Variants in DNAH5 observed in about 807,000 individuals in gnomAD.
DNAH5 encodes dynein axonemal heavy chain 5.
DNAH5 carries 372 observed loss-of-function variants against 518.2 expected under a neutral mutation model. The ratio of observed to expected loss-of-function variants is 0.72; its 90% CI spans 0.66 to 0.78. The LOEUF (loss-of-function observed/expected upper bound fraction) is 0.78. DNAH5 is among the 30% of genes least tolerant of loss of function. The probability of loss-of-function intolerance (pLI) is 0.00; values close to 1 mark genes in which losing one functional copy is unlikely to be tolerated. For missense variants in DNAH5, 5,523 were observed against 5,687.0 expected (o/e 0.97, Z 0.93); for synonymous variants, 2,039 against 2,025.9 (o/e 1.01, Z -0.17).
intron 70 of DNAH5, among the ~76,000 whole-genome samples, chr5:13,724,319 G>A (rs566400063): frequency 6.6e-6 from 1 of 152,312 alleles, no homozygotes; most frequent in Admixed American, 6.5e-5. Flanking sequence ...GACTTGCATA[G>A]GGCCTACTAT....
At chr5:13,812,568 A>G (rs1760860687) in intron 43 of DNAH5, among the ~76,000 whole-genome samples, 1 of 152,184 alleles carries the variant, frequency 6.6e-6, no homozygotes, top group Admixed American at 6.5e-5. Context: ...GGCCTCCCAA[A>G]GCGCTGGGAT....
At chr5:13,749,968 C>CA (rs201145042) in intron 65 of DNAH5, among the ~76,000 whole-genome samples, 3,033 of 131,892 alleles carry the variant, frequency 0.023, 54 homozygotes, top group Non-Finnish European at 0.036. Flanking sequence ...CTCAACCATG[C>CA]GATTTATGAA....
chr5:13,991,634 T>C (rs1783559347), intron 1 of DNAH5, among the ~76,000 whole-genome samples: 2 of 148,122 alleles, frequency 1.4e-5, no homozygotes, highest in African/African-American at 2.5e-5. Flanking sequence ...TATACAAGGA[T>C]GAGGAAGGAG....
In DNAH5 at chr5:13,788,699, C is replaced by T; in HGVS notation, c.8647+17G>A. 1.2e-6 allele frequency: 2 copies of T among 1,609,922 alleles called. No homozygotes were observed. Among genetic ancestry groups the T allele is most frequent in the East Asian group, 2.2e-5 (1 of 44,856 alleles). On this transcript the variant is annotated intron_variant, in intron 51 of 78. Coordinates refer to ENST00000265104, the MANE Select transcript of DNAH5 (RefSeq NM_001369.3). Reference sequence around the variant, plus strand: ...AACACCTTTTGGGGAATTCCAAATTCCACTTCAATAGTTTACCTGCAGCTT... The same window carrying T: ...AACACCTTTTGGGGAATTCCAAATTTCACTTCAATAGTTTACCTGCAGCTT...
At chr5:13,768,038 G>C (rs1580135218) in intron 58 of DNAH5, among the ~76,000 whole-genome samples, 1 of 152,190 alleles carries the variant, frequency 6.6e-6, no homozygotes. Context: ...CCTTTAAGGT[G>C]TGGCCTAGTT....
intron 1 of DNAH5, among the ~76,000 whole-genome samples, chr5:14,003,789 C>G (rs935685876): frequency 1.4e-4 from 22 of 152,244 alleles, no homozygotes; most frequent in African/African-American, 5.3e-4. Flanking sequence ...TTTCAGCCAC[C>G]ATGAAAGCAG....
At chr5:13,893,613 C>T (rs965507270) in intron 16 of DNAH5, among the ~76,000 whole-genome samples, 1 of 151,712 alleles carries the variant, frequency 6.6e-6, no homozygotes, top group African/African-American at 2.4e-5. Flanking sequence ...TATCAATTTA[C>T]AATAAAAAAA....
rs1769080759 is a variant in DNAH5, at chr5:13,865,308, T to C, written c.4355+360A>G. ...GCACCCAGCCAGCTCTCCATTTTCTTTAAATTCAAGAGCTACAACAATACA... is the reference window on the plus strand; with the variant it reads ...GCACCCAGCCAGCTCTCCATTTTCTCTAAATTCAAGAGCTACAACAATACA... On this transcript the variant is annotated intron_variant, in intron 27 of 78. Transcript: ENST00000265104. Among the ~76,000 whole-genome samples the C allele has an allele frequency of 1.3e-5, 2 of 152,170 alleles. 1 individual carries two copies. The highest frequency in any genetic ancestry group is 4.1e-4 in the South Asian group (2 of 4,834).
At chr5:13,991,769 C>A (rs897165494) in intron 1 of DNAH5, among the ~76,000 whole-genome samples, 10 of 152,136 alleles carry the variant, frequency 6.6e-5, no homozygotes, top group African/African-American at 2.4e-4. Flanking sequence ...ACAAATATAT[C>A]TTGAAAACCC....
chr5:13,803,029 T>C (rs1355477473), intron 47 of DNAH5, among the ~76,000 whole-genome samples: 1 of 105,402 alleles, frequency 9.5e-6, no homozygotes, highest in Non-Finnish European at 2.2e-5. Flanking sequence ...TATGCATTAA[T>C]GATATATAAT....
intron 32 of DNAH5, among the ~76,000 whole-genome samples, chr5:13,842,422 G>GA (rs1223116727): frequency 4.0e-5 from 1 of 25,076 alleles, no homozygotes; most frequent in Non-Finnish European, 7.3e-5. Flanking sequence ...GAAAAGAAAA[G>GA]AAAAGAAAGA....
At chr5:13,830,308 T>G in intron 36 of DNAH5, 95 bp from the exon 37 acceptor site, 1 of 1,194,844 alleles carries the variant, frequency 8.4e-7, no homozygotes, top group Non-Finnish European at 1.2e-6. Flanking sequence ...GAGCCAGATG[T>G]AAGTTCATTC....
At chr5:13,934,445 T>C (rs890777802) in intron 1 of DNAH5, among the ~76,000 whole-genome samples, 5 of 152,268 alleles carry the variant, frequency 3.3e-5, no homozygotes, top group African/African-American at 1.2e-4. Context: ...CAAAAATAAA[T>C]AATAGAGTAA....
chr5:13,756,340 A>ATT (rs5866064), intron 61 of DNAH5, among the ~76,000 whole-genome samples: 12 of 151,704 alleles, frequency 7.9e-5, no homozygotes, highest in Admixed American at 1.3e-4. Context: ...GTATGCCCAG[A>ATT]TTTTTTTTTA....
intron 63 of DNAH5, 39 bp from the exon 64 acceptor site, chr5:13,752,328 A>T (rs918408768): frequency 6.2e-7 from 1 of 1,608,716 alleles, no homozygotes; most frequent in Non-Finnish European, 8.5e-7. Flanking sequence ...GGCAGACATT[A>T]CCATGAAGCA....
intron 30 of DNAH5, among the ~76,000 whole-genome samples, chr5:13,852,189 TG>T (rs1232520631): frequency 3.9e-5 from 6 of 152,136 alleles, no homozygotes; most frequent in Non-Finnish European, 8.8e-5. Context: ...GTTTCTGTGA[TG>T]GAGTTTCGCT....
chr5:13,888,622 G>A (rs908108939), intron 17 of DNAH5, among the ~76,000 whole-genome samples: 5 of 152,202 alleles, frequency 3.3e-5, no homozygotes, highest in Admixed American at 6.5e-5. Context: ...TGGGTTCCAC[G>A]ATTTTGCTAC....
At chr5:13,874,041 A>T (rs1442901830) in intron 22 of DNAH5, among the ~76,000 whole-genome samples, 4 of 152,194 alleles carry the variant, frequency 2.6e-5, no homozygotes, top group Non-Finnish European at 5.9e-5. Flanking sequence ...CATACAGCTA[A>T]AATGTCCCTC....
chr5:13,927,988 C>T (rs1301324660), intron 3 of DNAH5, 106 bp downstream of exon 3: 1 of 941,850 alleles, frequency 1.1e-6, no homozygotes, highest in Non-Finnish European at 1.7e-6. Context: ...TCCCTCCCGC[C>T]CGCAAGGTGA....
Sources: allele counts gnomAD v4.1 joint callset (sites outside exome capture counted in the v4.1 genomes callset), GRCh38; gene constraint gnomAD v4.1.1; transcripts MANE v1.5; gene names NCBI Gene and HGNC (gene_info 2026-07-23, HGNC 2026-07-21).